Variants in SSBP3 observed in about 807,000 individuals in gnomAD.
The protein encoded by SSBP3 is single-stranded DNA-binding protein 3.
A neutral mutation model predicts 69.6 loss-of-function variants in SSBP3; 5 were observed. The observed-to-expected ratio is 0.07, with a 90% CI of 0.04 to 0.15. The LOEUF (loss-of-function observed/expected upper bound fraction) is 0.15, where lower values mean the gene tolerates loss of function less well. Among genes scored for constraint, SSBP3 ranks in the 10% least tolerant of loss-of-function variants. SSBP3 has a pLI of 1.00. For synonymous variants in SSBP3, 196 were observed against 193.4 expected, an observed-to-expected ratio of 1.01 and a Z score of -0.11; for missense variants, 312 against 534.0, an observed-to-expected ratio of 0.58 and a Z score of 4.10.
At position 54,227,309 on chromosome 1, in the gene SSBP3, G is replaced by C. The variant is rs1303153576; in HGVS notation, c.1138-149C>G. 11 of 680,914 alleles carry C rather than the reference G, an allele frequency of 1.6e-5. No homozygotes were observed. In the East Asian group the frequency reaches 2.8e-4, roughly 17 times the overall value. The allele number at this position is 680,914 out of a possible 1,614,324, so 42.2% of individuals were successfully genotyped here. On this transcript the variant is annotated intron_variant, in intron 17 of 17. Transcript: ENST00000610401. ...GAGCTGAGGGGCACATGGTGGCATG[G>C]AGTGGGCAGGGGGCCGGTAGGGCAG...
chr1:54,306,338 T>C (rs753443984), intron 4 of SSBP3, among the ~76,000 whole-genome samples: 32 of 152,114 alleles, frequency 2.1e-4, no homozygotes, highest in Non-Finnish European at 4.1e-4. Context: ...AACACATCCA[T>C]TGGAGAACAG....
At chr1:54,387,131 T>C (rs889640318) in intron 4 of SSBP3, among the ~76,000 whole-genome samples, 9 of 152,202 alleles carry the variant, frequency 5.9e-5, no homozygotes, top group African/African-American at 2.2e-4. Flanking sequence ...CTGGGTATGA[T>C]TACTCACACG....
rs1265374000 is a variant in SSBP3, at chr1:54,405,018, C to A, written c.57-88G>T. Reference sequence around the variant, plus strand: ...CAGGACCTTGCCAGCAGGCTTTGAGCCCTGTCTGCGCCGTCCCATTGTGGC... The same window carrying A: ...CAGGACCTTGCCAGCAGGCTTTGAGACCTGTCTGCGCCGTCCCATTGTGGC... On this transcript the variant is annotated intron_variant, in intron 1 of 17. Transcript: ENST00000610401. 8 of 1,209,110 alleles carry A rather than the reference C, an allele frequency of 6.6e-6. No homozygotes were observed. In the South Asian group the frequency reaches 8.9e-5, roughly 13 times the overall value. 74.9% of individuals were successfully genotyped at this position (1,209,110 alleles called of 1,614,324 possible).
At chr1:54,236,821 A>G (rs1644503507) in intron 14 of SSBP3, 1 of 152,256 alleles carries the variant, frequency 6.6e-6, no homozygotes, top group Non-Finnish European at 1.5e-5. Context: ...AAGGTGACCC[A>G]AAACTTTCAT....
intron 4 of SSBP3, among the ~76,000 whole-genome samples, chr1:54,389,275 G>A (rs925276409): frequency 6.6e-6 from 1 of 152,194 alleles, no homozygotes; most frequent in Non-Finnish European, 1.5e-5. Flanking sequence ...GGAGTCCACA[G>A]GGGGTGGTAG....
chr1:54,367,236 G>A (rs556027308), intron 4 of SSBP3, among the ~76,000 whole-genome samples: 13 of 152,008 alleles, frequency 8.6e-5, no homozygotes, highest in African/African-American at 2.9e-4. Flanking sequence ...GCCACCAATC[G>A]CTCTTGCCCA....
intron 4 of SSBP3, among the ~76,000 whole-genome samples, chr1:54,335,214 C>T (rs1442066263): frequency 1.3e-5 from 2 of 152,248 alleles, no homozygotes; most frequent in Non-Finnish European, 2.9e-5. Context: ...AATAAAGCCA[C>T]ATGTGCAAAC....
intron 4 of SSBP3, among the ~76,000 whole-genome samples, chr1:54,317,331 G>T (rs928575798): frequency 2.0e-5 from 3 of 152,204 alleles, no homozygotes; most frequent in Non-Finnish European, 4.4e-5. Flanking sequence ...GAGCACAGGA[G>T]TTTGAGACCA....
chr1:54,269,254 T>C (rs986349995), intron 5 of SSBP3, among the ~76,000 whole-genome samples: 1 of 152,180 alleles, frequency 6.6e-6, no homozygotes, highest in East Asian at 1.9e-4. Flanking sequence ...CTCCACCCAA[T>C]GCTGGGTGCT....
At chr1:54,239,607 C>G (rs539968727) in intron 13 of SSBP3, among the ~76,000 whole-genome samples, 6 of 152,316 alleles carry the variant, frequency 3.9e-5, no homozygotes, top group African/African-American at 1.4e-4. Flanking sequence ...TGGCAAATTA[C>G]CCAGAGGCCA....
At position 54,405,990 on chromosome 1, in the gene SSBP3, CT is replaced by C; in HGVS notation, c.18del (p.Gly7AlafsTer14). ...TGCCCATCCGAGGGCACCGCCGAGCCTTTGCCTTTGGCAAACATGGTTTGCA... is the reference window on the plus strand; with the variant it reads ...TGCCCATCCGAGGGCACCGCCGAGCCTTGCCTTTGGCAAACATGGTTTGCA... On this transcript the variant is annotated frameshift_variant, in exon 1 of 18. Transcript: ENST00000610401. LOFTEE classifies it high-confidence loss of function. 2 of 1,486,866 alleles carry C rather than the reference CT, an allele frequency of 1.3e-6. No individual in the cohort carries two copies. Among genetic ancestry groups the C allele is most frequent in the African/African-American group, 1.5e-5 (1 of 68,694 alleles). The allele number at this position is 1,486,866 out of a possible 1,614,324, so 92.1% of individuals were successfully genotyped here.
chr1:54,240,026 A>T (rs1644577822), intron 13 of SSBP3, among the ~76,000 whole-genome samples: 1 of 149,898 alleles, frequency 6.7e-6, no homozygotes, highest in African/African-American at 2.4e-5. Flanking sequence ...CTTAGCTGGG[A>T]AAGAAACATA....
chr1:54,407,529 G>A (rs1299832832), upstream of SSBP3, among the ~76,000 whole-genome samples: 1 of 152,034 alleles, frequency 6.6e-6, no homozygotes, highest in Non-Finnish European at 1.5e-5. Flanking sequence ...GACACACTGC[G>A]TGCCCCTCAT....
intron 4 of SSBP3, among the ~76,000 whole-genome samples, chr1:54,360,879 A>G (rs1646941338): frequency 6.6e-6 from 1 of 151,488 alleles, no homozygotes; most frequent in African/African-American, 2.4e-5. Context: ...CGGGAGTTTG[A>G]GACCAGCCTG....
At position 54,289,840 on chromosome 1, in the gene SSBP3, G is replaced by A. The variant is rs185107757; in HGVS notation, c.277-8313C>T. Among the ~76,000 whole-genome samples, 42 of 152,198 alleles carry A rather than the reference G, an allele frequency of 2.8e-4. No individual in the cohort carries two copies. In the East Asian group the frequency reaches 6.6e-3, roughly 24 times the overall value. On this transcript the variant is annotated intron_variant, in intron 4 of 17. Coordinates refer to ENST00000610401, the Ensembl canonical transcript of SSBP3. Reference sequence around the variant, plus strand: ...TAGGGGGTGGGTGTGGGGCTTGTTCGCTTTCCCTCCCCCAGGATAGGGGGG... The same window carrying A: ...TAGGGGGTGGGTGTGGGGCTTGTTCACTTTCCCTCCCCCAGGATAGGGGGG...
chr1:54,309,658 G>A (rs1645963064), intron 4 of SSBP3, among the ~76,000 whole-genome samples: 1 of 152,118 alleles, frequency 6.6e-6, no homozygotes, highest in Non-Finnish European at 1.5e-5. Context: ...CTGGAGTTTG[G>A]TCCTGAAAAA....
intron 14 of SSBP3, among the ~76,000 whole-genome samples, chr1:54,233,193 A>G (rs888315437): frequency 2.1e-5 from 3 of 140,282 alleles, no homozygotes; most frequent in Non-Finnish European, 3.1e-5. Context: ...CTGCCCGGCC[A>G]CCCATCGTCT....
At chr1:54,405,707 AC>A (rs886361633) in intron 1 of SSBP3, among the ~76,000 whole-genome samples, 3 of 149,632 alleles carry the variant, frequency 2.0e-5, no homozygotes, top group Non-Finnish European at 3.0e-5. Context: ...GCCACCAAGT[AC>A]CCCCTCCGGC....
intron 4 of SSBP3, among the ~76,000 whole-genome samples, chr1:54,342,740 G>A (rs759535335): frequency 3.9e-5 from 6 of 152,174 alleles, no homozygotes; most frequent in Non-Finnish European, 5.9e-5. Flanking sequence ...TAAGTAAAAC[G>A]TGGGGATCTG....
Sources: gnomAD v4.1 joint callset for allele counts (sites outside exome capture counted in the v4.1 genomes callset) on GRCh38, gnomAD v4.1.1 for gene constraint, MANE v1.5 for transcripts, NCBI Gene and HGNC (gene_info 2026-07-23, HGNC 2026-07-21) for gene names.